Variants in DLG1 observed in about 807,000 individuals in gnomAD.
DLG1 encodes the protein disks large homolog 1.
A neutral mutation model predicts 123.4 loss-of-function variants in DLG1; 42 were observed. The ratio of observed to expected loss-of-function variants is 0.34; its 90% CI spans 0.27 to 0.44. The LOEUF (loss-of-function observed/expected upper bound fraction) is 0.44, where lower values mean the gene tolerates loss of function less well. DLG1 is among the 20% of genes least tolerant of loss of function. DLG1 has a pLI of 1.00. For missense variants in DLG1, 942 were observed against 1,082.6 expected, an observed-to-expected ratio of 0.87 and a Z score of 1.82; for synonymous variants, 317 against 356.2, an observed-to-expected ratio of 0.89 and a Z score of 1.24.
At chr3:197,287,507 C>T (rs1772454024) in intron 3 of DLG1, among the ~76,000 whole-genome samples, 1 of 151,448 alleles carries the variant, frequency 6.6e-6, no homozygotes, top group Non-Finnish European at 1.5e-5. Flanking sequence ...TAAACCCAAC[C>T]ATATATATAT....
chr3:197,086,335 C>T (rs959393289), intron 15 of DLG1, among the ~76,000 whole-genome samples: 12 of 152,162 alleles, frequency 7.9e-5, no homozygotes, highest in East Asian at 3.9e-4. Flanking sequence ...TAATTTAATA[C>T]GGTAATTGCA....
chr3:197,150,487 T>C (rs1397474959), intron 5 of DLG1, among the ~76,000 whole-genome samples: 1 of 152,098 alleles, frequency 6.6e-6, no homozygotes, highest in African/African-American at 2.4e-5. Context: ...AAGAATAAAA[T>C]GCAATAACAA....
chr3:197,180,072 G>GC (rs1229322355), intron 5 of DLG1, among the ~76,000 whole-genome samples: 1 of 137,398 alleles, frequency 7.3e-6, no homozygotes, highest in Non-Finnish European at 1.6e-5. Context: ...TTTTTTGGGG[G>GC]GGGGGGGGCT....
At chr3:197,148,245 C>CCAAAAAAAAAAAA (rs1791969953) in intron 6 of DLG1, among the ~76,000 whole-genome samples, 2 of 43,292 alleles carry the variant, frequency 4.6e-5, no homozygotes, top group African/African-American at 2.4e-4. Context: ...ACCAAAAATA[C>CCAAAAAAAAAAAA]AAAAAAAAAA....
At chr3:197,141,986 CG>C (rs1179614153) in intron 7 of DLG1, among the ~76,000 whole-genome samples, 3 of 152,102 alleles carry the variant, frequency 2.0e-5, no homozygotes, top group Non-Finnish European at 4.4e-5. Flanking sequence ...GGATTACAGG[CG>C]TGAGTGCAGA....
chr3:197,071,899 TATCTATACGA>T (rs1744182628), intron 18 of DLG1, among the ~76,000 whole-genome samples: 1 of 152,224 alleles, frequency 6.6e-6, no homozygotes, highest in South Asian at 2.1e-4. Flanking sequence ...GACAAATGTG[TATCTATACGA>T]CCCAGCAATT....
chr3:197,273,397 C>A (rs1284664480), intron 4 of DLG1, among the ~76,000 whole-genome samples: 2 of 151,886 alleles, frequency 1.3e-5, no homozygotes, highest in Admixed American at 6.6e-5. Flanking sequence ...GCCACAACAA[C>A]CGGCTAATTT....
intron 4 of DLG1, among the ~76,000 whole-genome samples, chr3:197,270,286 T>A (rs1763383004): frequency 6.6e-6 from 1 of 152,112 alleles, no homozygotes; most frequent in South Asian, 2.1e-4. Context: ...TGAAGTAATA[T>A]GAGCACCCAA....
chr3:197,277,183 C>A (rs1044974159), intron 4 of DLG1, among the ~76,000 whole-genome samples: 6 of 151,778 alleles, frequency 4.0e-5, no homozygotes, highest in South Asian at 2.1e-4. Context: ...TGAGCCACTG[C>A]GCCCAGCCCC....
At chr3:197,234,317 T>A (rs771314854) in intron 4 of DLG1, among the ~76,000 whole-genome samples, 5 of 152,122 alleles carry the variant, frequency 3.3e-5, no homozygotes, top group Non-Finnish European at 7.3e-5. Flanking sequence ...TCAAACCAAA[T>A]TGAGTGTAAA....
At chr3:197,291,168 T>C (rs1046270426) in intron 3 of DLG1, among the ~76,000 whole-genome samples, 1 of 152,114 alleles carries the variant, frequency 6.6e-6, no homozygotes, top group African/African-American at 2.4e-5. Context: ...AAGCAAACTA[T>C]GAGCAAAGAA....
At chr3:197,285,743 T>C (rs1319460807) in intron 3 of DLG1, among the ~76,000 whole-genome samples, 5 of 152,206 alleles carry the variant, frequency 3.3e-5, no homozygotes, top group Non-Finnish European at 7.3e-5. Flanking sequence ...TACCAAATGC[T>C]GGTGAGGACA....
intron 12 of DLG1, among the ~76,000 whole-genome samples, chr3:197,116,495 C>T (rs1430818689): frequency 3.9e-5 from 6 of 152,082 alleles, no homozygotes; most frequent in Non-Finnish European, 8.8e-5. Flanking sequence ...GCCCTTTCTC[C>T]AGTCTCAAAG....
chr3:197,129,357 T>C (rs1045066392), intron 11 of DLG1, among the ~76,000 whole-genome samples: 6 of 152,176 alleles, frequency 3.9e-5, no homozygotes, highest in Non-Finnish European at 7.4e-5. Context: ...AGCCTCACAT[T>C]TCTCTTCTAC....
Position 197,282,821 on chromosome 3 carries a change from G to A in DLG1, c.176C>T (p.Thr59Ile), listed in dbSNP as rs1466482748. The change falls in exon 4 of 25, where the codon ACC becomes ATC. Residue 59 changes from threonine to isoleucine, a missense_variant. Physicochemically the swap from Thr to Ile is moderately conservative, Grantham distance 89 (BLOSUM62 -1). Coordinates refer to ENST00000667157, the MANE Select transcript of DLG1 (RefSeq NM_001366207.1). ...LIDIQEFYEV[T>I]LLDNPKCIDR... ...TATACATTTTGGATTATCCAGTAAG[G>A]TCACTTCATAAAATTCTTGAATATC... 2.5e-6 allele frequency: 4 copies of A among 1,578,268 alleles called. No homozygotes were observed. The South Asian group carries it at 3.5e-5, about 14-fold the overall frequency.
chr3:197,288,642 A>T (rs1404216746), intron 3 of DLG1, among the ~76,000 whole-genome samples: 1 of 148,456 alleles, frequency 6.7e-6, no homozygotes, highest in Non-Finnish European at 1.5e-5. Flanking sequence ...AATCGCTTGA[A>T]CCTAGGAGGC....
At chr3:197,264,923 T>G (rs1761055434) in intron 4 of DLG1, among the ~76,000 whole-genome samples, 1 of 152,216 alleles carries the variant, frequency 6.6e-6, no homozygotes, top group Admixed American at 6.5e-5. Flanking sequence ...TTTATAACCT[T>G]CATGATGTAA....
intron 4 of DLG1, among the ~76,000 whole-genome samples, chr3:197,261,704 C>T (rs1759523296): frequency 6.6e-6 from 1 of 152,160 alleles, no homozygotes; most frequent in Admixed American, 6.5e-5. Flanking sequence ...GGAGTTAATA[C>T]ATAGATACCA....
chr3:197,277,750 G>C (rs994640819), intron 4 of DLG1, among the ~76,000 whole-genome samples: 2 of 151,818 alleles, frequency 1.3e-5, no homozygotes, highest in Non-Finnish European at 2.9e-5. Flanking sequence ...TTTTTTTTAA[G>C]TCTATATCCT....
Sources: gnomAD v4.1 joint callset for allele counts (sites outside exome capture counted in the v4.1 genomes callset) on GRCh38, gnomAD v4.1.1 for gene constraint, MANE v1.5 for transcripts, NCBI Gene and HGNC (gene_info 2026-07-23, HGNC 2026-07-21) for gene names.